GRIN2C: variants seen among roughly 807,000 people sequenced by gnomAD.
The protein encoded by GRIN2C is glutamate ionotropic receptor NMDA type subunit 2C.
Under a neutral mutation model 77.7 loss-of-function variants are expected in GRIN2C, and 64 were observed. The observed-to-expected ratio is 0.82, with a 90% CI of 0.67 to 1.01. GRIN2C has a LOEUF of 1.01. Ranked by LOEUF, GRIN2C falls within the 50% of genes least tolerant of loss-of-function variation. GRIN2C has a pLI of 0.00. For missense variants in GRIN2C, 1,549 were observed against 1,486.0 expected (o/e 1.04, Z -0.70); for synonymous variants, 792 against 643.4 (o/e 1.23, Z -3.49).
At position 74,849,599 on chromosome 17, in the gene GRIN2C, G is replaced by C. The variant is rs146506843; in HGVS notation, c.1645+181C>G. On this transcript the variant is annotated intron_variant, in intron 7 of 12. Coordinates refer to ENST00000293190, the MANE Select transcript of GRIN2C (RefSeq NM_000835.6). This position sits in a 1 kb window ranked among gnomAD's most constrained non-coding sequence, Gnocchi z 4.6. ...TCACCTGGCAGCCATACCTAGAACCGAACACTGACTTCACTTCTCCTGTCT... is the reference window on the plus strand; with the variant it reads ...TCACCTGGCAGCCATACCTAGAACCCAACACTGACTTCACTTCTCCTGTCT... Among the ~76,000 whole-genome samples the C allele has an allele frequency of 1.3e-5, 2 of 151,496 alleles. No homozygotes were observed. The highest frequency in any genetic ancestry group is 2.1e-4 in the South Asian group (1 of 4,762).
chr17:74,856,481 C>CTTT (rs35686686), intron 1 of GRIN2C, among the ~76,000 whole-genome samples: 9,933 of 135,160 alleles, frequency 0.073, 517 homozygotes, highest in Middle Eastern at 0.13. Flanking sequence ...CTCTCTCTCT[C>CTTT]TTTTTTTTTT....
At position 74,843,072 on chromosome 17, in the gene GRIN2C, A is replaced by G; in HGVS notation, c.3065T>C (p.Leu1022Pro). The change falls in exon 13 of 13, where the codon CTG (leucine) becomes CCG (proline). Residue 1022 changes from leucine (L) to proline (P), a missense_variant. Around this residue, in one of 3 missense-constraint regions of GRIN2C, gnomAD observed 450 missense variants for 267.9 expected, o/e 1.68. Coordinates refer to ENST00000293190, the MANE Select transcript of GRIN2C (RefSeq NM_000835.6). ...GCTGTAGTGACAGCGCGCGGGCGACAGGGGCCGCTCGGAGGCCGAGAGGTG... is the reference window on the plus strand; with the variant it reads ...GCTGTAGTGACAGCGCGCGGGCGACGGGGGCCGCTCGGAGGCCGAGAGGTG... The part of the protein sequence containing the change: ...GRHLSASERP[L>P]SPARCHYSSF... 3 of 459,854 alleles carry G rather than the reference A, an allele frequency of 6.5e-6. No homozygotes were observed. Among genetic ancestry groups the G allele is most frequent in the Non-Finnish European group, 1.2e-5 (3 of 257,090 alleles). The allele number at this position is 459,854 out of a possible 1,614,324, so 28.5% of individuals were successfully genotyped here. A position where few individuals can be genotyped will look rare whatever the true frequency, so the allele number is the denominator to read the frequency against.
chr17:74,847,770 T>C lies in GRIN2C; in HGVS notation c.1771+82A>G. 6.9e-7 allele frequency: 1 copy of C among 1,446,436 alleles called. No individual in the cohort carries two copies. The highest frequency in any genetic ancestry group is 9.6e-7 in the Non-Finnish European group (1 of 1,038,282). 89.6% of individuals were successfully genotyped at this position (1,446,436 alleles called of 1,614,324 possible). On this transcript the variant is annotated intron_variant, in intron 8 of 12. Transcript: ENST00000293190. The surrounding 1 kb of genome is among the most constrained non-coding windows in gnomAD (Gnocchi z 5.2). The stretch of plus-strand genomic sequence containing the variant: ...AAAGCAAGGGACCTCCCAAAGGTAT[T>C]CTCTGAAGGACCCGTTGCCCCTGAG...
In GRIN2C at chr17:74,850,033, A is replaced by T. The variant is rs938032110; in HGVS notation, c.1492-100T>A. 9 of 1,407,474 alleles carry T rather than the reference A, an allele frequency of 6.4e-6. No individual in the cohort carries two copies. The highest frequency in any genetic ancestry group is 8.8e-6 in the Non-Finnish European group (9 of 1,023,268). 87.2% of individuals were successfully genotyped at this position (1,407,474 alleles called of 1,614,324 possible). On this transcript the variant is annotated intron_variant, in intron 6 of 12. Transcript: ENST00000293190. The surrounding 1 kb of genome is among the most constrained non-coding windows in gnomAD (Gnocchi z 5.3). Reference sequence around the variant, plus strand: ...CACCCCTTCTAGCACCCACCAGCTGAGTCAATCATTCCCTCTGGGGCCCTC... The same window carrying T: ...CACCCCTTCTAGCACCCACCAGCTGTGTCAATCATTCCCTCTGGGGCCCTC...
chr17:74,847,112 C>T lies in GRIN2C; in HGVS notation c.2002-192G>A. The T allele has an allele frequency of 1.4e-6, 1 of 733,248 alleles. No individual in the cohort carries two copies. The highest frequency in any genetic ancestry group is 2.2e-6 in the Non-Finnish European group (1 of 455,048). The allele number at this position is 733,248 out of a possible 1,614,324, so 45.4% of individuals were successfully genotyped here. On this transcript the variant is annotated intron_variant, in intron 9 of 12. Coordinates refer to ENST00000293190, the MANE Select transcript of GRIN2C (RefSeq NM_000835.6). This position sits in a 1 kb window ranked among gnomAD's most constrained non-coding sequence, Gnocchi z 5.2. ...AGGCCCAAGACAGGGAGAGACTTACCCAAGGCCTCTCAGCCGGTGGCCCTG... is the reference window on the plus strand; with the variant it reads ...AGGCCCAAGACAGGGAGAGACTTACTCAAGGCCTCTCAGCCGGTGGCCCTG...
In GRIN2C at chr17:74,859,524, CG is replaced by C. The variant is rs554597081; in HGVS notation, c.-16+219del. 2.0e-5 allele frequency among the ~76,000 whole-genome samples: 3 copies of C among 152,226 alleles called. No individual in the cohort carries two copies. The South Asian group carries it at 6.2e-4, about 32-fold the overall frequency. On this transcript the variant is annotated intron_variant, in intron 1 of 12. Transcript: ENST00000293190. The surrounding 1 kb of genome is among the most constrained non-coding windows in gnomAD (Gnocchi z 5.9). ...CGGACCCCCTGCCCTTCCGGTGAGC[CG>C]CCCCTCCTTTGCCGTCGGGTTTCCC...
chr17:74,850,998 G>A lies in GRIN2C; in HGVS notation c.1114-231C>T. 1.7e-6 allele frequency: 1 copy of A among 586,402 alleles called. No individual in the cohort carries two copies. The highest frequency in any genetic ancestry group is 2.0e-5 in the South Asian group (1 of 49,248). The allele number at this position is 586,402 out of a possible 1,614,324, so 36.3% of individuals were successfully genotyped here. ...CAGACCTGACCCTGTCTCACTCACT[G>A]TACTGGTCCCCCCTGACTTTGACAG... On this transcript the variant is annotated intron_variant, in intron 4 of 12. Coordinates refer to ENST00000293190, the MANE Select transcript of GRIN2C (RefSeq NM_000835.6). The surrounding 1 kb of genome is among the most constrained non-coding windows in gnomAD (Gnocchi z 5.3).
chr17:74,843,460 C>T lies in GRIN2C; in HGVS notation c.2677G>A (p.Val893Met). 6.5e-7 allele frequency: 1 copy of T among 1,535,074 alleles called. No individual in the cohort carries two copies. The highest frequency in any genetic ancestry group is 8.7e-7 in the Non-Finnish European group (1 of 1,146,332). ...DLTASSAQAS[V>M]LKMLQAARDM... is the part of the protein sequence containing the mutation. The stretch of plus-strand genomic sequence containing the variant: ...CGGGCTGCCTGCAGCATCTTGAGCA[C>T]GCTGGCCTGGGCCGAGCTGGCCGTG... The change falls in exon 13 of 13, where the codon GTG becomes ATG. Residue 893 changes from valine to methionine, a missense_variant. Transcript: ENST00000293190.
Position 74,843,292 on chromosome 17 carries a change from G to T in GRIN2C, c.2845C>A (p.Pro949Thr). The T allele has an allele frequency of 8.5e-7, 1 of 1,182,528 alleles. No individual in the cohort carries two copies. The highest frequency in any genetic ancestry group is 1.2e-6 in the Non-Finnish European group (1 of 868,164). The allele number at this position is 1,182,528 out of a possible 1,614,324, so 73.3% of individuals were successfully genotyped here. ...RSGPSPCLPT[P>T]DPPPEPSPTG... The stretch of plus-strand genomic sequence containing the variant: ...GGGCTCGGCTCTGGGGGCGGGTCGG[G>T]GGTGGGCAGGCATGGGCTGGGGCCA... Residue 949 changes from proline (P) to threonine (T), a missense_variant, in exon 13 of 13, where the codon CCC becomes ACC. Pro to Thr is a conservative substitution (Grantham distance 38). Transcript: ENST00000293190.
At chr17:74,856,946 C>T (rs1429286568) in intron 1 of GRIN2C, among the ~76,000 whole-genome samples, 2 of 152,138 alleles carry the variant, frequency 1.3e-5, no homozygotes, top group Non-Finnish European at 2.9e-5. Context: ...AAGGATCCCT[C>T]CAGGGAACCC....
In GRIN2C at chr17:74,842,467, T is replaced by C. The variant is rs778598417; in HGVS notation, c.3670A>G (p.Arg1224Gly). ...TCTGACTCCAGACTGGAGATCCGTC[T>C]CCAGGTGCAGGGTCCCGGGAAGCCT... ...TQGFPGPCTW[R>G]RISSLESEV is the part of the protein sequence containing the mutation. The change falls in exon 13 of 13, where the codon AGA (arginine) becomes GGA (glycine). Residue 1224 changes from arginine to glycine, a missense_variant. Physicochemically the swap from Arg to Gly is moderately radical, Grantham distance 125. Coordinates refer to ENST00000293190, the MANE Select transcript of GRIN2C (RefSeq NM_000835.6). 1 of 776,856 alleles carries C rather than the reference T, an allele frequency of 1.3e-6. No homozygotes were observed. Among genetic ancestry groups the C allele is most frequent in the Non-Finnish European group, 2.4e-6 (1 of 416,952 alleles). The allele number at this position is 776,856 out of a possible 1,614,324, so 48.1% of individuals were successfully genotyped here. A position where few individuals can be genotyped will look rare whatever the true frequency, so the allele number is the denominator to read the frequency against.
chr17:74,846,589 T>A lies in GRIN2C; in HGVS notation c.2162+171A>T, dbSNP rs916045894. Among the ~76,000 whole-genome samples, 1 of 152,188 alleles carries A rather than the reference T, an allele frequency of 6.6e-6. No homozygotes were observed. The highest frequency in any genetic ancestry group is 2.1e-4 in the South Asian group (1 of 4,824). The stretch of plus-strand genomic sequence containing the variant: ...CACCACAGCTGTGTTCTGAGACACA[T>A]GGTGGCCTTCCATTTTTGCCTCAAG... On this transcript the variant is annotated intron_variant, in intron 10 of 12. Coordinates refer to ENST00000293190, the MANE Select transcript of GRIN2C (RefSeq NM_000835.6). The surrounding 1 kb of genome is among the most constrained non-coding windows in gnomAD (Gnocchi z 4.4).
chr17:74,850,908 TC>T lies in GRIN2C; in HGVS notation c.1114-142del. On this transcript the variant is annotated intron_variant, in intron 4 of 12. Coordinates refer to ENST00000293190, the MANE Select transcript of GRIN2C (RefSeq NM_000835.6). The surrounding 1 kb of genome is among the most constrained non-coding windows in gnomAD (Gnocchi z 5.3). Reference sequence around the variant, plus strand: ...CAGAGTAGGGCTGCTCCCAACAGCCTCCCCCAGCCTCGGGTCCCTGTGTTCA... The same window carrying T: ...CAGAGTAGGGCTGCTCCCAACAGCCTCCCCAGCCTCGGGTCCCTGTGTTCA... 3.0e-6 allele frequency: 2 copies of T among 674,088 alleles called. No individual in the cohort carries two copies. The highest frequency in any genetic ancestry group is 2.6e-6 in the Non-Finnish European group (1 of 382,886). The allele number at this position is 674,088 out of a possible 1,614,324, so 41.8% of individuals were successfully genotyped here. A position where few individuals can be genotyped will look rare whatever the true frequency, so the allele number is the denominator to read the frequency against.
rs969314277 is a variant in GRIN2C at position 74,842,281 on chromosome 17, G to A, written c.*154C>T. On this transcript the variant is annotated 3_prime_UTR_variant, in exon 13 of 13. Coordinates refer to ENST00000293190, the MANE Select transcript of GRIN2C (RefSeq NM_000835.6). ...CTCACCATGATTTGAGGCTACTGAG[G>A]TCACTGATGACCATGGAAGACATCA... 3 of 588,840 alleles carry A rather than the reference G, an allele frequency of 5.1e-6. No individual in the cohort carries two copies. In the African/African-American group the frequency reaches 5.7e-5, roughly 11 times the overall value. The allele number at this position is 588,840 out of a possible 1,614,324, so 36.5% of individuals were successfully genotyped here. A position where few individuals can be genotyped will look rare whatever the true frequency, so the allele number is the denominator to read the frequency against.
chr17:74,849,588 T>TA lies in GRIN2C; in HGVS notation c.1645+191dup, dbSNP rs1485527990. 6.7e-6 allele frequency among the ~76,000 whole-genome samples: 1 copy of TA among 149,954 alleles called. No homozygotes were observed. The highest frequency in any genetic ancestry group is 1.5e-5 in the Non-Finnish European group (1 of 67,530). On this transcript the variant is annotated intron_variant, in intron 7 of 12. Transcript: ENST00000293190. This position sits in a 1 kb window ranked among gnomAD's most constrained non-coding sequence, Gnocchi z 4.6. The stretch of plus-strand genomic sequence containing the variant: ...CAACCCCACCCTCACCTGGCAGCCA[T>TA]ACCTAGAACCGAACACTGACTTCAC...
intron 2 of GRIN2C, chr17:74,852,954 T>C (rs1406985761): frequency 8.0e-6 from 2 of 248,612 alleles, no homozygotes; most frequent in African/African-American, 4.4e-5. Context: ...TCACAAGCTC[T>C]TCAGCCGATC....
At position 74,852,536 on chromosome 17, in the gene GRIN2C, C is replaced by T. The variant is rs775728256; in HGVS notation, c.475G>A (p.Glu159Lys). The change falls in exon 3 of 13, where the codon GAG becomes AAG. Residue 159 changes from glutamate (E) to lysine (K), a missense_variant. This residue lies in a region of GRIN2C where 382 missense variants were observed against 360.0 expected (regional missense o/e 1.06). Coordinates refer to ENST00000293190, the MANE Select transcript of GRIN2C (RefSeq NM_000835.6). ...ACGGCGAAGGCGCTCCAGTCGTACT[C>T]TTCCAGCACCTTGAACAGCACCTGC... is the stretch of plus-strand genomic sequence containing the variant. ...QLQVLFKVLE[E>K]YDWSAFAVIT... 6.4e-7 allele frequency: 1 copy of T among 1,562,070 alleles called. No homozygotes were observed. The highest frequency in any genetic ancestry group is 1.4e-5 in the African/African-American group (1 of 70,822).
upstream of GRIN2C, chr17:74,859,895 G>A: frequency 6.0e-6 from 1 of 166,462 alleles, no homozygotes; most frequent in South Asian, 1.7e-4. The surrounding 1 kb of genome is among the most constrained non-coding windows in gnomAD (Gnocchi z 5.9). Flanking sequence ...CGGCGGCGGC[G>A]GCGGCGGCGG....
chr17:74,848,279 T>G (rs2037525872), intron 7 of GRIN2C, among the ~76,000 whole-genome samples: 1 of 151,986 alleles, frequency 6.6e-6, no homozygotes, highest in East Asian at 1.9e-4. Flanking sequence ...ACGTGGATGA[T>G]CTGGTGGTTC....
Sources: gnomAD v4.1 joint callset for allele counts (sites outside exome capture counted in the v4.1 genomes callset) on GRCh38, gnomAD v4.1.1 for gene constraint, gnomAD v4.1.1 regional missense constraint, Gnocchi (gnomAD v3.1) non-coding constraint, MANE v1.5 for transcripts, NCBI Gene and HGNC (gene_info 2026-07-23, HGNC 2026-07-21) for gene names.